MON2: variants seen among roughly 807,000 people sequenced by gnomAD.
The protein encoded by MON2 is protein MON2 homolog.
A neutral mutation model predicts 208.6 loss-of-function variants in MON2; 84 were observed. The observed-to-expected ratio is 0.40, with a 90% CI of 0.34 to 0.48. MON2 has a LOEUF of 0.48. Among genes scored for constraint, MON2 ranks in the 20% least tolerant of loss-of-function variants. The pLI, the probability that MON2 is intolerant of heterozygous loss-of-function variation, is 0.59. For synonymous variants in MON2, 660 were observed against 694.0 expected (o/e 0.95, Z 0.77); for missense variants, 1,611 against 2,015.4 (o/e 0.80, Z 3.84).
chr12:62,563,315 G>A (rs2074264111), intron 26 of MON2, among the ~76,000 whole-genome samples: 1 of 152,206 alleles, frequency 6.6e-6, no homozygotes, highest in Admixed American at 6.6e-5. Flanking sequence ...TAAACATCCA[G>A]TAAATGTTAG....
chr12:62,484,273 T>C (rs1394274000), intron 2 of MON2, 40 bp downstream of exon 2: 2 of 1,286,798 alleles, frequency 1.6e-6, no homozygotes, highest in Non-Finnish European at 2.2e-6. Flanking sequence ...AAACAAAAAT[T>C]TGACTAATAG....
chr12:62,513,712 T>C lies in MON2; in HGVS notation c.984+5232T>C, dbSNP rs952397892. On this transcript the variant is annotated intron_variant, in intron 8 of 34. Transcript: ENST00000393630. ...CTGTAATCCCAGCACTTTGGGAGGC[T>C]GAGGCAGGCGGGTCATGAGGTCAGG... Among the ~76,000 whole-genome samples, 8 of 123,166 alleles carry C rather than the reference T, an allele frequency of 6.5e-5. No individual in the cohort carries two copies. The East Asian group carries it at 2.6e-3, about 40-fold the overall frequency. 80.8% of individuals were successfully genotyped at this position (123,166 alleles called of 152,430 possible). A position where few individuals can be genotyped will look rare whatever the true frequency, so the allele number is the denominator to read the frequency against.
intron 31 of MON2, among the ~76,000 whole-genome samples, chr12:62,579,477 A>C (rs1251690906): frequency 2.6e-5 from 4 of 151,608 alleles, no homozygotes; most frequent in Non-Finnish European, 1.5e-5. Flanking sequence ...TAATCTCAGC[A>C]CTTTGGGAGG....
rs1401964745 is a variant in MON2, at chr12:62,538,121, A to G, written c.2144A>G (p.Lys715Arg). The change falls in exon 17 of 35, where the codon AAG becomes AGG. Residue 715 changes from lysine to arginine, a missense_variant. Lys to Arg is a conservative substitution (Grantham distance 26). Coordinates refer to ENST00000393630, the MANE Select transcript of MON2 (RefSeq NM_015026.3). ...CATCTTGTGTGGATTCTGGGATTAA[A>G]GCCTAGTAGTGGCGGTGCCTTGAAA... Reference protein sequence around the residue: ...LQHLVWILGLKPSSGGALKPG... With the variant: ...LQHLVWILGLRPSSGGALKPG... 6.2e-7 allele frequency: 1 copy of G among 1,613,688 alleles called. No individual in the cohort carries two copies. Among genetic ancestry groups the G allele is most frequent in the East Asian group, 2.2e-5 (1 of 44,844 alleles).
chr12:62,527,703 G>C (rs2072405407), intron 11 of MON2, among the ~76,000 whole-genome samples: 1 of 151,938 alleles, frequency 6.6e-6, no homozygotes. Context: ...TATAACCTTG[G>C]GTAGTGGTTA....
At chr12:62,555,045 C>T (rs1464656917) in intron 24 of MON2, among the ~76,000 whole-genome samples, 1 of 152,166 alleles carries the variant, frequency 6.6e-6, no homozygotes, top group Non-Finnish European at 1.5e-5. Flanking sequence ...ATCCGCCCGC[C>T]TCGGCCTCCC....
chr12:62,496,058 A>C (rs980138625), intron 4 of MON2, among the ~76,000 whole-genome samples: 2 of 152,190 alleles, frequency 1.3e-5, no homozygotes, highest in Non-Finnish European at 2.9e-5. Flanking sequence ...TAATAGCTTT[A>C]TTATAATTTG....
At chr12:62,481,329 A>G (rs1022380338) in intron 1 of MON2, among the ~76,000 whole-genome samples, 1 of 152,082 alleles carries the variant, frequency 6.6e-6, no homozygotes, top group Non-Finnish European at 1.5e-5. Flanking sequence ...GATGGAGACC[A>G]TCCTGGCTAA....
chr12:62,467,491 G>A (rs111458653), intron 1 of MON2, among the ~76,000 whole-genome samples, 173 bp downstream of exon 1: 15 of 152,292 alleles, frequency 9.8e-5, no homozygotes, highest in African/African-American at 3.6e-4. Context: ...GGAGAGGGCT[G>A]AGGCACTTTG....
chr12:62,525,352 T>A (rs920316061), intron 10 of MON2, 132 bp downstream of exon 10: 1 of 816,014 alleles, frequency 1.2e-6, no homozygotes, highest in African/African-American at 1.7e-5. Flanking sequence ...AGTAAAGAAT[T>A]GCACTGAAAG....
rs371457996 is a variant in MON2, at chr12:62,538,133, G to A, written c.2156G>A (p.Gly719Asp). Residue 719 changes from glycine to aspartate, a missense_variant, in exon 17 of 35, where the codon GGC becomes GAC. Gly to Asp is a moderately conservative substitution (Grantham distance 94). Transcript: ENST00000393630. Reference sequence around the variant, plus strand: ...ATTCTGGGATTAAAGCCTAGTAGTGGCGGTGCCTTGAAACCTGGGAGAGCT... The same window carrying A: ...ATTCTGGGATTAAAGCCTAGTAGTGACGGTGCCTTGAAACCTGGGAGAGCT... ...VWILGLKPSS[G>D]GALKPGRAVE... 6.2e-7 allele frequency: 1 copy of A among 1,613,666 alleles called. No individual in the cohort carries two copies. The highest frequency in any genetic ancestry group is 8.5e-7 in the Non-Finnish European group (1 of 1,179,858).
At chr12:62,517,032 A>G (rs1477582212) in intron 8 of MON2, among the ~76,000 whole-genome samples, 1 of 152,252 alleles carries the variant, frequency 6.6e-6, no homozygotes. Flanking sequence ...CATAGTTGCT[A>G]TTAAATCAGG....
rs762202258 is a variant in MON2 at position 62,543,245 on chromosome 12, C to T, written c.2466+47C>T. On this transcript the variant is annotated intron_variant, in intron 20 of 34. Transcript: ENST00000393630. ...TATTTAATTTTTTAATAAACATTTG[C>T]ACACTGAGCTAATGATTCTAAATAG... 2.1e-5 allele frequency: 22 copies of T among 1,027,278 alleles called. No individual in the cohort carries two copies. In the African/African-American group the frequency reaches 2.6e-4, roughly 12 times the overall value. 63.6% of individuals were successfully genotyped at this position (1,027,278 alleles called of 1,614,324 possible). A position where few individuals can be genotyped will look rare whatever the true frequency, so the allele number is the denominator to read the frequency against.
chr12:62,549,685 C>T lies in MON2; in HGVS notation c.2771C>T (p.Thr924Ile). Residue 924 changes from threonine (T) to isoleucine (I), a missense_variant, in exon 23 of 35, where the codon ACT (threonine) becomes ATT (isoleucine). Transcript: ENST00000393630. Reference protein sequence around the residue: ...RNDQGESLIRTAFQCLQLVVT... With the variant: ...RNDQGESLIRIAFQCLQLVVT... ...GTTTTCAGAGAATCCTTGATACGAA[C>T]TGCATTCCAGTGTCTTCAGTTGGTT... 6.3e-7 allele frequency: 1 copy of T among 1,599,900 alleles called. No homozygotes were observed. Among genetic ancestry groups the T allele is most frequent in the Non-Finnish European group, 8.5e-7 (1 of 1,175,854 alleles).
At chr12:62,467,372 A>G (rs2068568254) in intron 1 of MON2, 54 bp downstream of exon 1, 1 of 1,415,448 alleles carries the variant, frequency 7.1e-7, no homozygotes, top group Non-Finnish European at 1.0e-6. Context: ...TGGTCCTGTT[A>G]GACTCAGTGC....
In MON2 at chr12:62,467,103, T is replaced by G. The variant is rs2068553098; in HGVS notation, c.-105T>G. 2 of 884,242 alleles carry G rather than the reference T, an allele frequency of 2.3e-6. No homozygotes were observed. The highest frequency in any genetic ancestry group is 5.1e-5 in the East Asian group (2 of 39,440). 54.8% of individuals were successfully genotyped at this position (884,242 alleles called of 1,614,324 possible). On this transcript the variant is annotated 5_prime_UTR_variant, in exon 1 of 35. Coordinates refer to ENST00000393630, the MANE Select transcript of MON2 (RefSeq NM_015026.3). ...GCCCAGGGCCCAAGAAGCGGGCTGCTGAAGGACCAGAGACACCGGGAGGGA... is the reference window on the plus strand; with the variant it reads ...GCCCAGGGCCCAAGAAGCGGGCTGCGGAAGGACCAGAGACACCGGGAGGGA...
chr12:62,544,870 A>G (rs1175286400), intron 20 of MON2, 28 bp from the exon 21 acceptor site: 1 of 1,590,260 alleles, frequency 6.3e-7, no homozygotes, highest in South Asian at 1.1e-5. Flanking sequence ...TAAGTATACA[A>G]ATTAAACTTA....
At chr12:62,555,009 G>A (rs1338864342) in intron 24 of MON2, among the ~76,000 whole-genome samples, 2 of 151,854 alleles carry the variant, frequency 1.3e-5, no homozygotes, top group Admixed American at 1.3e-4. Context: ...TGTTAGCCAG[G>A]ATGGTCTCGA....
intron 19 of MON2, among the ~76,000 whole-genome samples, chr12:62,539,313 G>C (rs2073126888): frequency 1.3e-5 from 2 of 151,412 alleles, no homozygotes; most frequent in African/African-American, 2.4e-5. Flanking sequence ...TGTCGCCCAG[G>C]CTAGAGTGCA....
Sources: allele counts gnomAD v4.1 joint callset (sites outside exome capture counted in the v4.1 genomes callset), GRCh38; gene constraint gnomAD v4.1.1; transcripts MANE v1.5; gene names NCBI Gene and HGNC (gene_info 2026-07-23, HGNC 2026-07-21).